The following GABRB1 variants were observed in gnomAD, a reference collection of about 807,000 sequenced individuals.
The protein encoded by GABRB1 is gamma-aminobutyric acid type A receptor subunit beta1.
Under a neutral mutation model 51.6 loss-of-function variants are expected in GABRB1, and 17 were observed. The ratio of observed to expected loss-of-function variants is 0.33; its 90% CI spans 0.23 to 0.49. GABRB1 has a LOEUF of 0.49. Ranked by LOEUF, GABRB1 falls within the 20% of genes least tolerant of loss-of-function variation. The pLI is 0.99. For missense variants in GABRB1, 410 were observed against 600.6 expected (o/e 0.68, Z 3.32); for synonymous variants, 247 against 218.9 (o/e 1.13, Z -1.14).
chr4:47,419,236 T>A (rs967447499), intron 8 of GABRB1, among the ~76,000 whole-genome samples: 1 of 152,216 alleles, frequency 6.6e-6, no homozygotes, highest in Non-Finnish European at 1.5e-5. Context: ...AGCAGTGCAC[T>A]GGAGGAAGGA....
At chr4:47,123,868 T>TA (rs1715975922) in intron 3 of GABRB1, among the ~76,000 whole-genome samples, 1 of 78,280 alleles carries the variant, frequency 1.3e-5, no homozygotes, top group African/African-American at 4.7e-5. Context: ...ATATATGATA[T>TA]ATATCTTATA....
chr4:47,382,424 T>C (rs936377681), intron 5 of GABRB1, among the ~76,000 whole-genome samples: 1 of 152,188 alleles, frequency 6.6e-6, no homozygotes, highest in Non-Finnish European at 1.5e-5. Context: ...TGACACAACA[T>C]GTGATGCCTA....
intron 4 of GABRB1, among the ~76,000 whole-genome samples, chr4:47,297,838 A>G (rs1302397129): frequency 6.6e-6 from 1 of 152,130 alleles, no homozygotes; most frequent in Non-Finnish European, 1.5e-5. Context: ...TCCTTGATGA[A>G]TATTGATGCA....
chr4:47,041,382 A>G (rs913426554), intron 3 of GABRB1, among the ~76,000 whole-genome samples: 2 of 152,144 alleles, frequency 1.3e-5, no homozygotes, highest in African/African-American at 4.8e-5. Context: ...TTAGAGAAAG[A>G]CAGAGAAACA....
intron 3 of GABRB1, among the ~76,000 whole-genome samples, chr4:47,068,820 TA>T (rs374348987): frequency 2.0e-5 from 3 of 151,922 alleles, no homozygotes; most frequent in Non-Finnish European, 1.5e-5. Flanking sequence ...ACATGCTGTT[TA>T]AAAAAAATGG....
chr4:47,240,173 CAGACAGCTACTTGT>C (rs1307854005), intron 4 of GABRB1, among the ~76,000 whole-genome samples: 1 of 152,156 alleles, frequency 6.6e-6, no homozygotes, highest in Non-Finnish European at 1.5e-5. Context: ...CCCATTTTTG[CAGACAGCTACTTGT>C]AGACCATTTT....
At chr4:47,382,011 T>C (rs1018884422) in intron 5 of GABRB1, among the ~76,000 whole-genome samples, 4 of 152,176 alleles carry the variant, frequency 2.6e-5, no homozygotes, top group African/African-American at 7.2e-5. Flanking sequence ...AGGGATAAGG[T>C]GCTTGGATTA....
chr4:47,098,320 T>C (rs1168017236), intron 3 of GABRB1, among the ~76,000 whole-genome samples: 1 of 152,128 alleles, frequency 6.6e-6, no homozygotes, highest in Non-Finnish European at 1.5e-5. Context: ...TCATTTACTC[T>C]GGGGGGTTAT....
chr4:47,199,890 C>T (rs1413628757), intron 4 of GABRB1, among the ~76,000 whole-genome samples: 1 of 152,096 alleles, frequency 6.6e-6, no homozygotes, highest in Admixed American at 6.6e-5. Context: ...TAATCAAGCC[C>T]ATTTTGTAGT....
intron 8 of GABRB1, among the ~76,000 whole-genome samples, chr4:47,409,037 C>A (rs1029693316): frequency 6.6e-6 from 1 of 152,126 alleles, no homozygotes; most frequent in African/African-American, 2.4e-5. Context: ...GGAGAGTTCC[C>A]TGATACGCTC....
At chr4:47,188,972 T>C (rs1719313008) in intron 4 of GABRB1, among the ~76,000 whole-genome samples, 1 of 151,946 alleles carries the variant, frequency 6.6e-6, no homozygotes, top group Non-Finnish European at 1.5e-5. Context: ...AGATACAAAG[T>C]TGAGCAAGAA....
intron 4 of GABRB1, among the ~76,000 whole-genome samples, chr4:47,230,069 A>G (rs761979241): frequency 3.9e-5 from 6 of 152,200 alleles, no homozygotes; most frequent in Non-Finnish European, 7.3e-5. Flanking sequence ...AATAGTCAAT[A>G]TAATAAAGAC....
At chr4:47,257,411 G>A (rs906760481) in intron 4 of GABRB1, among the ~76,000 whole-genome samples, 4 of 152,138 alleles carry the variant, frequency 2.6e-5, no homozygotes, top group Non-Finnish European at 5.9e-5. Context: ...TGAGCTTTGA[G>A]TGTACCATCT....
chr4:47,423,514 A>G (rs1444676680), intron 8 of GABRB1, among the ~76,000 whole-genome samples: 1 of 152,226 alleles, frequency 6.6e-6, no homozygotes, highest in African/African-American at 2.4e-5. Context: ...GTTGGTAAGG[A>G]TGCTAGTTGT....
rs576960323 is a variant in GABRB1 at position 47,212,441 on chromosome 4, C to T, written c.461+50972C>T. Among the ~76,000 whole-genome samples the T allele has an allele frequency of 4.7e-4, 71 of 152,312 alleles. 1 individual carries two copies. Among genetic ancestry groups the T allele is most frequent in the African/African-American group, 1.7e-3 (70 of 41,576 alleles). On this transcript the variant is annotated intron_variant, in intron 4 of 8. Transcript: ENST00000295454. ...CCTGTAATCCCAGCACTTTGGGAGGCTGAGGCCTTTGGATCACCTGCGGTC... is the reference window on the plus strand; with the variant it reads ...CCTGTAATCCCAGCACTTTGGGAGGTTGAGGCCTTTGGATCACCTGCGGTC...
At chr4:47,002,443 C>A (rs1724258620) in intron 1 of GABRB1, among the ~76,000 whole-genome samples, 2 of 152,072 alleles carry the variant, frequency 1.3e-5, no homozygotes, top group South Asian at 2.1e-4. Context: ...ATATTTATAA[C>A]CAGAAGAAAA....
At chr4:47,087,553 T>TA (rs1052745614) in intron 3 of GABRB1, among the ~76,000 whole-genome samples, 16 of 151,904 alleles carry the variant, frequency 1.1e-4, no homozygotes, top group East Asian at 7.7e-4. Flanking sequence ...TTTTTTTTTT[T>TA]TTATTATACT....
intron 4 of GABRB1, among the ~76,000 whole-genome samples, chr4:47,182,759 A>C (rs1719006423): frequency 6.6e-6 from 1 of 152,008 alleles, no homozygotes. Flanking sequence ...TAATAGTTAA[A>C]AAAATTTAAT....
chr4:47,071,248 C>T (rs1168620910), intron 3 of GABRB1, among the ~76,000 whole-genome samples: 1 of 152,196 alleles, frequency 6.6e-6, no homozygotes, highest in Non-Finnish European at 1.5e-5. Context: ...AGCTTCTGAA[C>T]TAATTTCTGT....
Sources: allele counts gnomAD v4.1 joint callset (sites outside exome capture counted in the v4.1 genomes callset), GRCh38; gene constraint gnomAD v4.1.1; transcripts MANE v1.5; gene names NCBI Gene and HGNC (gene_info 2026-07-23, HGNC 2026-07-21).